The following NRG4 variants were observed in gnomAD, a reference collection of about 807,000 sequenced individuals.
NRG4 encodes the protein neuregulin 4, also known as pro-neuregulin-4, membrane-bound isoform.
NRG4 carries 10 observed loss-of-function variants against 15.0 expected under a neutral mutation model. That is an observed-to-expected ratio of 0.67 (90% CI 0.41 to 1.13). The LOEUF (loss-of-function observed/expected upper bound fraction) is 1.13, where lower values mean the gene tolerates loss of function less well. Among genes scored for constraint, NRG4 ranks in the 50% most tolerant of loss-of-function variants. The probability of loss-of-function intolerance (pLI) is 0.00; values close to 1 mark genes in which losing one functional copy is unlikely to be tolerated. For missense variants in NRG4, 139 were observed against 140.2 expected (o/e 0.99, Z 0.04); for synonymous variants, 41 against 50.1 (o/e 0.82, Z 0.77).
intron 1 of NRG4, among the ~76,000 whole-genome samples, chr15:76,059,465 A>T (rs1252616186): frequency 6.6e-6 from 1 of 152,184 alleles, no homozygotes; most frequent in Non-Finnish European, 1.5e-5. Flanking sequence ...CGCCAAAGCG[A>T]CGGGAGGTTC....
At chr15:75,965,442 C>T (rs900125389) in intron 3 of NRG4, among the ~76,000 whole-genome samples, 1 of 152,108 alleles carries the variant, frequency 6.6e-6, no homozygotes, top group African/African-American at 2.4e-5. Context: ...CAATCACATG[C>T]TCTTGTGGGA....
At chr15:75,965,335 G>A (rs180937743) in intron 3 of NRG4, among the ~76,000 whole-genome samples, 1 of 152,298 alleles carries the variant, frequency 6.6e-6, no homozygotes, top group East Asian at 1.9e-4. Context: ...GTAAATACAA[G>A]TTTGTAATCA....
chr15:76,051,727 C>A (rs1246553196), intron 4 of NRG4, among the ~76,000 whole-genome samples: 1 of 150,172 alleles, frequency 6.7e-6, no homozygotes, highest in African/African-American at 2.5e-5. Flanking sequence ...CCACGCCTGG[C>A]TAATCTTTTT....
chr15:76,042,618 A>G (rs2035771683), intron 4 of NRG4, among the ~76,000 whole-genome samples: 1 of 152,182 alleles, frequency 6.6e-6, no homozygotes, highest in African/African-American at 2.4e-5. Flanking sequence ...GAAGAAATCC[A>G]AAACCTAAAC....
chr15:76,009,182 C>A lies in NRG4; in HGVS notation c.104+18G>T. 1 of 1,167,326 alleles carries A rather than the reference C, an allele frequency of 8.6e-7. No individual in the cohort carries two copies. The highest frequency in any genetic ancestry group is 2.3e-5 in the East Asian group (1 of 42,878). 72.3% of individuals were successfully genotyped at this position (1,167,326 alleles called of 1,614,324 possible). A position where few individuals can be genotyped will look rare whatever the true frequency, so the allele number is the denominator to read the frequency against. ...TAAAAAATAAAGTTAACATCTCCCCCTAGTCCATTTCACTCACCTACAAAA... is the reference window on the plus strand; with the variant it reads ...TAAAAAATAAAGTTAACATCTCCCCATAGTCCATTTCACTCACCTACAAAA... On this transcript the variant is annotated intron_variant, in intron 3 of 5. Coordinates refer to ENST00000394907, the MANE Select transcript of NRG4 (RefSeq NM_138573.4).
intron 5 of NRG4, among the ~76,000 whole-genome samples, chr15:76,023,377 T>C (rs1330083811): frequency 6.6e-6 from 1 of 152,086 alleles, no homozygotes; most frequent in Non-Finnish European, 1.5e-5. Flanking sequence ...TCAGATTGAT[T>C]TGGAGACAGG....
intron 4 of NRG4, among the ~76,000 whole-genome samples, chr15:75,959,507 A>T (rs2454472): frequency 0.062 from 9,426 of 151,960 alleles, 609 homozygotes; most frequent in African/African-American, 0.17. Flanking sequence ...CTATTCATAT[A>T]AAATAGGAAA....
downstream of NRG4, chr15:75,939,561 A>T (rs529829275): frequency 2.0e-5 from 3 of 152,306 alleles, no homozygotes; most frequent in African/African-American, 7.2e-5. Flanking sequence ...ATTCATTCTG[A>T]TGCTGAAGCC....
chr15:75,949,920 GTTC>G (rs2031776027), intron 5 of NRG4, among the ~76,000 whole-genome samples: 1 of 152,090 alleles, frequency 6.6e-6, no homozygotes, highest in Non-Finnish European at 1.5e-5. Context: ...TTCTAACTTT[GTTC>G]TTCTTTTTCA....
downstream of NRG4, chr15:75,940,802 A>G (rs1402107652): frequency 6.6e-6 from 1 of 152,024 alleles, no homozygotes; most frequent in African/African-American, 2.4e-5. Context: ...CAAAGTTGCA[A>G]CCTCACTCAT....
intron 4 of NRG4, among the ~76,000 whole-genome samples, chr15:76,051,148 G>T (rs922977730): frequency 6.8e-6 from 1 of 148,038 alleles, no homozygotes. Flanking sequence ...TGGGACTACA[G>T]GCGCCCGCCA....
chr15:76,051,252 G>A (rs950410528), intron 4 of NRG4, among the ~76,000 whole-genome samples: 3 of 149,620 alleles, frequency 2.0e-5, no homozygotes, highest in Non-Finnish European at 3.0e-5. Context: ...TGATCCGCCC[G>A]CCTCGGCCTC....
chr15:75,968,073 C>G (rs1190982616), intron 3 of NRG4, among the ~76,000 whole-genome samples: 1 of 152,178 alleles, frequency 6.6e-6, no homozygotes, highest in Non-Finnish European at 1.5e-5. Context: ...ACCCTCATTA[C>G]TGAGTGTGTG....
chr15:75,959,366 A>T (rs531877545), intron 4 of NRG4, among the ~76,000 whole-genome samples: 58 of 152,276 alleles, frequency 3.8e-4, no homozygotes, highest in Non-Finnish European at 6.9e-4. Flanking sequence ...TCACTATATT[A>T]GATATGTATT....
upstream of NRG4, among the ~76,000 whole-genome samples, chr15:76,012,987 T>C (rs2034863415): frequency 6.6e-6 from 1 of 152,180 alleles, no homozygotes; most frequent in Non-Finnish European, 1.5e-5. Context: ...AAGTTAAGTT[T>C]TAAAAATCAT....
chr15:75,997,346 T>C (rs1362614902), intron 3 of NRG4, among the ~76,000 whole-genome samples: 6 of 152,148 alleles, frequency 3.9e-5, no homozygotes, highest in Non-Finnish European at 8.8e-5. Flanking sequence ...TTGCTTGGTA[T>C]TAAATACCCC....
At chr15:75,944,606 T>G (rs1472278097) in intron 5 of NRG4, among the ~76,000 whole-genome samples, 5 of 152,204 alleles carry the variant, frequency 3.3e-5, no homozygotes, top group Non-Finnish European at 7.3e-5. Context: ...CATTAATAAG[T>G]TTTAAAAATA....
At chr15:75,993,993 C>G (rs545642101) in intron 3 of NRG4, among the ~76,000 whole-genome samples, 85 of 152,170 alleles carry the variant, frequency 5.6e-4, no homozygotes, top group South Asian at 2.7e-3. Context: ...ATCTCAAGGT[C>G]TGACTCCACT....
chr15:75,955,813 A>C, intron 5 of NRG4, 119 bp downstream of exon 5: 1 of 472,138 alleles, frequency 2.1e-6, no homozygotes, highest in Non-Finnish European at 3.7e-6. Flanking sequence ...AAAAAAACCC[A>C]TAGAAAAGTT....
Sources: allele counts gnomAD v4.1 joint callset (sites outside exome capture counted in the v4.1 genomes callset), GRCh38; gene constraint gnomAD v4.1.1; transcripts MANE v1.5; gene names NCBI Gene and HGNC (gene_info 2026-07-23, HGNC 2026-07-21).